Variants in FA2H observed in about 807,000 individuals in gnomAD.
The protein encoded by FA2H is fatty acid 2-hydroxylase.
Under a neutral mutation model 44.9 loss-of-function variants are expected in FA2H, and 22 were observed. The observed-to-expected ratio is 0.49, with a 90% CI of 0.35 to 0.70. The LOEUF is 0.70. Among genes scored for constraint, FA2H ranks in the 30% least tolerant of loss-of-function variants. FA2H has a pLI of 0.01. For synonymous variants in FA2H, 243 were observed against 213.2 expected, an observed-to-expected ratio of 1.14 and a Z score of -1.22; for missense variants, 501 against 504.9, an observed-to-expected ratio of 0.99 and a Z score of 0.07.
chr16:74,760,936 A>T (rs1962695593), intron 1 of FA2H, among the ~76,000 whole-genome samples: 1 of 152,084 alleles, frequency 6.6e-6, no homozygotes, highest in Admixed American at 6.6e-5. Flanking sequence ...CCACTTTAAG[A>T]GTTCAAGTAG....
intron 2 of FA2H, among the ~76,000 whole-genome samples, chr16:74,737,085 C>T (rs193055515): frequency 3.1e-3 from 471 of 152,274 alleles, no homozygotes; most frequent in Admixed American, 3.5e-3. Flanking sequence ...ATCTGGGCAG[C>T]GAACTTCTGC....
chr16:74,754,201 G>T lies in FA2H; in HGVS notation c.271-14086C>A, dbSNP rs150390889. ...ACTTGAGGTCGGGAGTTCAAGACCA[G>T]ACTGGCCAATATGGCAAAACCCTGT... On this transcript the variant is annotated intron_variant, in intron 1 of 6. Coordinates refer to ENST00000219368, the MANE Select transcript of FA2H (RefSeq NM_024306.5). Among the ~76,000 whole-genome samples the T allele has an allele frequency of 4.7e-3, 709 of 152,290 alleles. 3 individuals carry two copies. Among genetic ancestry groups the T allele is most frequent in the African/African-American group, 0.016 (663 of 41,570 alleles).
chr16:74,715,980 T>C (rs1337450515), intron 6 of FA2H, among the ~76,000 whole-genome samples: 2 of 152,092 alleles, frequency 1.3e-5, no homozygotes, highest in African/African-American at 4.8e-5. Flanking sequence ...CACACCCCGC[T>C]AATTTTTGTA....
intron 1 of FA2H, among the ~76,000 whole-genome samples, chr16:74,751,680 G>A (rs548088209): frequency 4.8e-5 from 7 of 145,336 alleles, no homozygotes; most frequent in East Asian, 1.9e-4. Context: ...AATGACACAC[G>A]GACAGCAGCT....
intron 2 of FA2H, among the ~76,000 whole-genome samples, chr16:74,732,183 C>T (rs1295265213): frequency 6.6e-6 from 1 of 152,020 alleles, no homozygotes; most frequent in African/African-American, 2.4e-5. Context: ...TGTGCCTGGC[C>T]AGCGCCCCTG....
At chr16:74,772,749 C>T (rs538318585) in intron 1 of FA2H, among the ~76,000 whole-genome samples, 1 of 152,312 alleles carries the variant, frequency 6.6e-6, no homozygotes, top group East Asian at 1.9e-4. Flanking sequence ...CACGGTCAAC[C>T]TGGGTCCAAA....
chr16:74,727,215 G>T, intron 3 of FA2H, 29 bp downstream of exon 3: 1 of 1,613,720 alleles, frequency 6.2e-7, no homozygotes, highest in Non-Finnish European at 8.5e-7. Context: ...GAGAGGGACA[G>T]CCTGCCACAG....
Position 74,723,711 on chromosome 16 carries a change from C to T in FA2H, c.613+2514G>A, listed in dbSNP as rs1164198639. The stretch of plus-strand genomic sequence containing the variant: ...ACCTCTGGGGTCCATAAGGTCATTC[C>T]GGTGAAGTGCAGAGAGCACAGGCAT... On this transcript the variant is annotated intron_variant, in intron 4 of 6. Coordinates refer to ENST00000219368, the MANE Select transcript of FA2H (RefSeq NM_024306.5). Among the ~76,000 whole-genome samples the T allele has an allele frequency of 5.9e-5, 9 of 152,182 alleles. 1 individual carries two copies. Among genetic ancestry groups the T allele is most frequent in the African/African-American group, 1.7e-4 (7 of 41,524 alleles).
In FA2H at chr16:74,753,688, C is replaced by A. The variant is rs1000356328; in HGVS notation, c.271-13573G>T. Reference sequence around the variant, plus strand: ...ACTCCAGCTCAAAATAAATAAATAACCCCATAAGCACTGCCTGCCAAGCCA... The same window carrying A: ...ACTCCAGCTCAAAATAAATAAATAAACCCATAAGCACTGCCTGCCAAGCCA... On this transcript the variant is annotated intron_variant, in intron 1 of 6. Coordinates refer to ENST00000219368, the MANE Select transcript of FA2H (RefSeq NM_024306.5). 7.2e-5 allele frequency among the ~76,000 whole-genome samples: 11 copies of A among 152,072 alleles called. 1 individual carries two copies. The South Asian group carries it at 1.2e-3, about 17-fold the overall frequency.
chr16:74,735,392 C>T (rs924300495), intron 2 of FA2H, among the ~76,000 whole-genome samples: 1 of 152,184 alleles, frequency 6.6e-6, no homozygotes, highest in Non-Finnish European at 1.5e-5. Context: ...CTGCCTCCTC[C>T]CCCTGAGCCC....
At chr16:74,750,761 CTGTGTG>C (rs55799456) in intron 1 of FA2H, among the ~76,000 whole-genome samples, 8 of 141,568 alleles carry the variant, frequency 5.7e-5, no homozygotes, top group South Asian at 2.2e-4. Context: ...TTTTTTTTCA[CTGTGTG>C]TGTGTGTGTG....
At chr16:74,749,721 C>G (rs1234995834) in intron 1 of FA2H, among the ~76,000 whole-genome samples, 1 of 152,186 alleles carries the variant, frequency 6.6e-6, no homozygotes, top group Non-Finnish European at 1.5e-5. Context: ...CTAGGATACC[C>G]CCTGTGGGTT....
At position 74,727,288 on chromosome 16, in the gene FA2H, G is replaced by A. The variant is rs1339851684; in HGVS notation, c.462C>T (p.Arg154=). The A allele has an allele frequency of 2.5e-6, 4 of 1,614,178 alleles. No homozygotes were observed. Among genetic ancestry groups the A allele is most frequent in the Admixed American group, 3.3e-5 (2 of 60,018 alleles). ...WVHQPVTRPI[R]LFHSDLIEGL... Reference sequence around the variant, plus strand: ...CCTCAATGAGGTCTGAGTGGAAGAGGCGGATGGGCCTGGTCACCGGCTGGT... The same window carrying A: ...CCTCAATGAGGTCTGAGTGGAAGAGACGGATGGGCCTGGTCACCGGCTGGT... Residue 154 remains arginine (R), a synonymous_variant, in exon 3 of 7, where the codon CGC becomes CGT. Transcript: ENST00000219368.
intron 4 of FA2H, among the ~76,000 whole-genome samples, chr16:74,720,451 C>T (rs1276621194): frequency 4.6e-5 from 7 of 151,930 alleles, no homozygotes; most frequent in Non-Finnish European, 7.4e-5. Context: ...CCTCCTCAGC[C>T]TCCCAAAGTG....
chr16:74,748,485 T>A (rs952296399), intron 1 of FA2H, among the ~76,000 whole-genome samples: 1 of 151,952 alleles, frequency 6.6e-6, no homozygotes, highest in African/African-American at 2.4e-5. Context: ...ATCTCTCAAG[T>A]GATTGCTGGA....
intron 1 of FA2H, among the ~76,000 whole-genome samples, chr16:74,761,730 G>A (rs1962715763): frequency 6.6e-6 from 1 of 152,144 alleles, no homozygotes; most frequent in Non-Finnish European, 1.5e-5. Flanking sequence ...TGGTTAGAGG[G>A]TGCTATCATC....
chr16:74,718,900 G>A, intron 5 of FA2H, 88 bp downstream of exon 5: 2 of 1,469,294 alleles, frequency 1.4e-6, no homozygotes, highest in Non-Finnish European at 1.9e-6. Flanking sequence ...ACTCCCAGGA[G>A]GCTCCGCAGC....
chr16:74,757,427 T>G (rs1297085646), intron 1 of FA2H, among the ~76,000 whole-genome samples: 2 of 152,164 alleles, frequency 1.3e-5, no homozygotes, highest in African/African-American at 4.8e-5. Context: ...TGGGGGCAAT[T>G]TGGCACTATC....
intron 1 of FA2H, among the ~76,000 whole-genome samples, chr16:74,747,241 A>G (rs976791544): frequency 3.3e-5 from 5 of 151,816 alleles, no homozygotes; most frequent in African/African-American, 1.2e-4. Context: ...AACCCAGGAA[A>G]TGGAGGCTGC....
Sources: gnomAD v4.1 joint callset for allele counts (sites outside exome capture counted in the v4.1 genomes callset) on GRCh38, gnomAD v4.1.1 for gene constraint, MANE v1.5 for transcripts, NCBI Gene and HGNC (gene_info 2026-07-23, HGNC 2026-07-21) for gene names.